The following MORC3 variants were observed in gnomAD, a reference collection of about 807,000 sequenced individuals.
The protein encoded by MORC3 is MORC family CW-type zinc finger protein 3.
In MORC3, 31 loss-of-function variants were observed where a neutral mutation model predicts 109.1. That is an observed-to-expected ratio of 0.28 (90% CI 0.21 to 0.38). The LOEUF is 0.38. Ranked by LOEUF, MORC3 falls within the 10% of genes least tolerant of loss-of-function variation. The probability of loss-of-function intolerance (pLI) is 1.00; values close to 1 mark genes in which losing one functional copy is unlikely to be tolerated. For synonymous variants in MORC3, 395 were observed against 380.7 expected, an observed-to-expected ratio of 1.04 and a Z score of -0.44; for missense variants, 867 against 1,135.8, an observed-to-expected ratio of 0.76 and a Z score of 3.40.
intron 1 of MORC3, among the ~76,000 whole-genome samples, chr21:36,332,935 C>T (rs2085332627): frequency 6.6e-6 from 1 of 151,964 alleles, no homozygotes; most frequent in Non-Finnish European, 1.5e-5. Flanking sequence ...CTACAGGCGC[C>T]CATCACCACG....
chr21:36,325,644 T>C (rs2146284915), intron 1 of MORC3, among the ~76,000 whole-genome samples: 1 of 152,318 alleles, frequency 6.6e-6, no homozygotes, highest in East Asian at 1.9e-4. Flanking sequence ...CTACTTTCTG[T>C]CTAGGAATTT....
At chr21:36,355,719 A>G (rs2085637321) in intron 9 of MORC3, among the ~76,000 whole-genome samples, 2 of 151,822 alleles carry the variant, frequency 1.3e-5, no homozygotes. Context: ...GGAGGCTGAG[A>G]CAAGAATAGC....
At position 36,337,839 on chromosome 21, in the gene MORC3, T is replaced by A; in HGVS notation, c.353T>A (p.Phe118Tyr). The change falls in exon 4 of 17, where the codon TTT becomes TAT. Residue 118 changes from phenylalanine (F) to tyrosine (Y), a missense_variant. Transcript: ENST00000400485. Reference sequence around the variant, plus strand: ...CGTCTGGGTAAAGACGCAATCGTTTTTACCAAAAATGGAGAAAGCATGAGC... The same window carrying A: ...CGTCTGGGTAAAGACGCAATCGTTTATACCAAAAATGGAGAAAGCATGAGC... ...SMRLGKDAIVFTKNGESMSVG... is the reference protein window; with the variant it reads ...SMRLGKDAIVYTKNGESMSVG... The A allele has an allele frequency of 1.2e-6, 2 of 1,614,248 alleles. No homozygotes were observed. Among genetic ancestry groups the A allele is most frequent in the Non-Finnish European group, 1.7e-6 (2 of 1,180,048 alleles).
intron 8 of MORC3, among the ~76,000 whole-genome samples, chr21:36,348,925 C>T (rs538362725): frequency 3.1e-4 from 47 of 151,960 alleles, no homozygotes; most frequent in Middle Eastern, 3.4e-3. Flanking sequence ...TTTGGGAGGC[C>T]GAGGCTGGTG....
chr21:36,361,878 CAAAAG>C (rs958632599), intron 12 of MORC3: 17 of 330,864 alleles, frequency 5.1e-5, no homozygotes, highest in Middle Eastern at 9.5e-4. Context: ...GACTCCCTCT[CAAAAG>C]AAAAAACCTA....
chr21:36,328,333 C>CCCCG (rs1327501448), intron 1 of MORC3, among the ~76,000 whole-genome samples: 1 of 149,504 alleles, frequency 6.7e-6, no homozygotes, highest in Non-Finnish European at 1.5e-5. Flanking sequence ...ATAATAAGCC[C>CCCCG]CCCCCCGCCT....
chr21:36,365,898 C>T lies in MORC3; in HGVS notation c.1619+1639C>T, dbSNP rs1284200569. On this transcript the variant is annotated intron_variant, in intron 14 of 16. Transcript: ENST00000400485. ...CACCCGGCCAGTTTGCTCTTTATAA[C>T]CTGTGTATTGGACACTCATTTTGGA... 4.6e-5 allele frequency among the ~76,000 whole-genome samples: 7 copies of T among 152,134 alleles called. No individual in the cohort carries two copies. In the South Asian group the frequency reaches 6.2e-4, roughly 14 times the overall value.
At chr21:36,339,493 C>A (rs192658377) in intron 5 of MORC3, 1 of 121,352 alleles carries the variant, frequency 8.2e-6, no homozygotes, top group Admixed American at 9.9e-5. Flanking sequence ...TATTCCACCC[C>A]GTCTTCTCAA....
rs140752341 is a variant in MORC3 at position 36,328,678 on chromosome 21, T to C, written c.40-4968T>C. Among the ~76,000 whole-genome samples the C allele has an allele frequency of 4.1e-3, 631 of 152,102 alleles. 4 individuals carry two copies. The highest frequency in any genetic ancestry group is 0.014 in the African/African-American group (597 of 41,522). ...TTTTAATAGAGACAGGGTTTCACCA[T>C]GTCAACGAGGCTGGTCTTGTACTCC... On this transcript the variant is annotated intron_variant, in intron 1 of 16. Coordinates refer to ENST00000400485, the MANE Select transcript of MORC3 (RefSeq NM_015358.3).
At chr21:36,363,483 A>G (rs1349941325) in intron 13 of MORC3, among the ~76,000 whole-genome samples, 1 of 152,166 alleles carries the variant, frequency 6.6e-6, no homozygotes, top group South Asian at 2.1e-4. Flanking sequence ...ATTGAATATC[A>G]TAGCTTCGCC....
intron 8 of MORC3, among the ~76,000 whole-genome samples, chr21:36,345,428 T>TG (rs1185323947): frequency 6.6e-6 from 1 of 151,716 alleles, no homozygotes; most frequent in Non-Finnish European, 1.5e-5. Context: ...TTTTGTTTTT[T>TG]GTTTTTTTTT....
chr21:36,347,108 A>G (rs2146312101), intron 8 of MORC3, among the ~76,000 whole-genome samples: 1 of 152,060 alleles, frequency 6.6e-6, no homozygotes, highest in Middle Eastern at 3.4e-3. Flanking sequence ...CAAACACATC[A>G]TTTGACTGCA....
intron 1 of MORC3, among the ~76,000 whole-genome samples, chr21:36,327,965 C>T (rs750285559): frequency 6.6e-6 from 1 of 151,928 alleles, no homozygotes; most frequent in Admixed American, 6.6e-5. Context: ...CAACCTCTGC[C>T]TCCTGGGTTC....
At chr21:36,337,029 T>A (rs1409988930) in intron 3 of MORC3, 23 bp downstream of exon 3, 1 of 1,599,936 alleles carries the variant, frequency 6.3e-7, no homozygotes, top group Admixed American at 1.8e-5. Flanking sequence ...GTGCCACACT[T>A]CTTAAAATTG....
intron 4 of MORC3, 56 bp from the exon 5 acceptor site, chr21:36,338,718 C>A: frequency 6.8e-7 from 1 of 1,469,976 alleles, no homozygotes; most frequent in Non-Finnish European, 9.3e-7. Context: ...AGTTAGTTTT[C>A]ATATTGTAAT....
At chr21:36,349,781 A>G (rs961891090) in intron 9 of MORC3, among the ~76,000 whole-genome samples, 3 of 152,244 alleles carry the variant, frequency 2.0e-5, no homozygotes, top group Non-Finnish European at 4.4e-5. Context: ...ATGCTGGCCT[A>G]TAGACGTGGT....
chr21:36,339,127 A>AT (rs35718999), intron 5 of MORC3: 166 of 505,616 alleles, frequency 3.3e-4, no homozygotes, highest in East Asian at 4.5e-4. Flanking sequence ...GTTAAAAAAA[A>AT]TTTTTTTTTG....
chr21:36,326,331 C>T (rs2085247833), intron 1 of MORC3, among the ~76,000 whole-genome samples: 1 of 152,072 alleles, frequency 6.6e-6, no homozygotes, highest in African/African-American at 2.4e-5. Context: ...TGAGACCAGC[C>T]TGGCCAACAT....
Position 36,368,977 on chromosome 21 carries a change from A to AT in MORC3, c.1620-4dup. 3 of 1,576,724 alleles carry AT rather than the reference A, an allele frequency of 1.9e-6. No individual in the cohort carries two copies. The highest frequency in any genetic ancestry group is 1.2e-5 in the South Asian group (1 of 86,288). On this transcript the variant is annotated splice_polypyrimidine_tract_variant and intron_variant, in intron 14 of 16. Transcript: ENST00000400485. ...TATAATCTTATGTTTTATGTATAAA[A>AT]TTTTTTTCAGCTTGAAACGGAGACT...
Sources: gnomAD v4.1 joint callset for allele counts (sites outside exome capture counted in the v4.1 genomes callset) on GRCh38, gnomAD v4.1.1 for gene constraint, MANE v1.5 for transcripts, NCBI Gene and HGNC (gene_info 2026-07-23, HGNC 2026-07-21) for gene names.